Variants in RBFOX1 observed in about 807,000 individuals in gnomAD.
RBFOX1 encodes RNA binding protein fox-1 homolog 1.
In RBFOX1, 8 loss-of-function variants were observed where a neutral mutation model predicts 57.7. The ratio of observed to expected loss-of-function variants is 0.14; its 90% CI spans 0.08 to 0.25. The LOEUF (loss-of-function observed/expected upper bound fraction) is 0.25. RBFOX1 is among the 10% of genes least tolerant of loss of function. The pLI is 1.00. For synonymous variants in RBFOX1, 326 were observed against 222.4 expected, an observed-to-expected ratio of 1.47 and a Z score of -4.15; for missense variants, 611 against 548.5, an observed-to-expected ratio of 1.11 and a Z score of -1.14.
At chr16:7,019,000 G>T (rs970737723) in intron 3 of RBFOX1, among the ~76,000 whole-genome samples, 1 of 151,862 alleles carries the variant, frequency 6.6e-6, no homozygotes, top group Admixed American at 6.6e-5. Flanking sequence ...CAAAGAAGAA[G>T]CAAAAAGAAA....
intron 1 of RBFOX1, among the ~76,000 whole-genome samples, chr16:6,117,414 CT>C (rs1289519093): frequency 6.6e-6 from 1 of 152,190 alleles, no homozygotes; most frequent in African/African-American, 2.4e-5. Context: ...ATTAGATCAC[CT>C]TTCATGGTTT....
intron 3 of RBFOX1, among the ~76,000 whole-genome samples, chr16:5,731,034 A>G (rs2052349984): frequency 6.7e-6 from 1 of 148,642 alleles, no homozygotes; most frequent in African/African-American, 2.4e-5. Context: ...CGTCATCACC[A>G]TGAACATCAC....
At chr16:6,893,075 G>T (rs1004352255) in intron 3 of RBFOX1, among the ~76,000 whole-genome samples, 1 of 152,096 alleles carries the variant, frequency 6.6e-6, no homozygotes, top group Non-Finnish European at 1.5e-5. Context: ...ACTTGTAAAA[G>T]ACTGCCCACC....
Position 6,357,612 on chromosome 16 carries a change from G to GCT in RBFOX1, c.-64+40568_-64+40569dup, listed in dbSNP as rs146259757. On this transcript the variant is annotated intron_variant, in intron 2 of 15. Coordinates refer to ENST00000550418, the MANE Select transcript of RBFOX1 (RefSeq NM_018723.4). ...CTCGCTCCCTCTTGCTCCCGCTTGT[G>GCT]CTCTCTCTCTCTCTGTCTTGCTTCC... Among the ~76,000 whole-genome samples the GCT allele has an allele frequency of 5.0e-3, 754 of 150,928 alleles. 8 individuals are homozygous for GCT. The highest frequency in any genetic ancestry group is 4.6e-3 in the Non-Finnish European group (309 of 67,646).
intron 3 of RBFOX1, among the ~76,000 whole-genome samples, chr16:6,749,912 A>G (rs150602946): frequency 2.6e-5 from 4 of 152,334 alleles, no homozygotes; most frequent in African/African-American, 7.2e-5. Context: ...TCAGAATACA[A>G]TAAGGGCCAA....
intron 3 of RBFOX1, among the ~76,000 whole-genome samples, chr16:7,038,991 A>T (rs2045351752): frequency 6.6e-6 from 1 of 152,160 alleles, no homozygotes. Flanking sequence ...TAGCCAGAGC[A>T]GTGACTCTCT....
rs111761322 is a variant in RBFOX1 at position 6,526,385 on chromosome 16, G to T, written c.-63-128218G>T. 1.2e-4 allele frequency among the ~76,000 whole-genome samples: 18 copies of T among 152,298 alleles called. 1 individual carries two copies. Among genetic ancestry groups the T allele is most frequent in the African/African-American group, 4.3e-4 (18 of 41,566 alleles). On this transcript the variant is annotated intron_variant, in intron 2 of 15. Coordinates refer to ENST00000550418, the MANE Select transcript of RBFOX1 (RefSeq NM_018723.4). ...TGAAAGGCTCTGTTGTAATTAGTCT[G>T]AGTCGAATCATCAATCAAGAGATTC...
At chr16:7,009,567 G>A (rs559327908) in intron 3 of RBFOX1, among the ~76,000 whole-genome samples, 3 of 152,206 alleles carry the variant, frequency 2.0e-5, no homozygotes, top group East Asian at 3.9e-4. Flanking sequence ...AGGAATGAAA[G>A]TGCAGCAGTA....
intron 2 of RBFOX1, among the ~76,000 whole-genome samples, chr16:6,522,095 T>C (rs2096511538): frequency 6.6e-6 from 1 of 152,156 alleles, no homozygotes; most frequent in South Asian, 2.1e-4. Context: ...GCATGTGTTT[T>C]CTTTGAATCA....
chr16:6,700,027 C>G (rs777922113), intron 3 of RBFOX1, among the ~76,000 whole-genome samples: 3 of 152,122 alleles, frequency 2.0e-5, no homozygotes, highest in Non-Finnish European at 2.9e-5. Context: ...CCTTCTCTTA[C>G]GATTGGCAAG....
chr16:6,021,511 G>A (rs4786805), intron 1 of RBFOX1, among the ~76,000 whole-genome samples: 50,670 of 152,154 alleles, frequency 0.33, 12,133 homozygotes, highest in African/African-American at 0.68. Context: ...TGCTGGCAGT[G>A]GCTGTGCTGG....
chr16:5,820,963 A>G (rs953970356), intron 3 of RBFOX1, among the ~76,000 whole-genome samples: 5 of 152,060 alleles, frequency 3.3e-5, no homozygotes, highest in African/African-American at 1.2e-4. Context: ...CCTCCCTGTG[A>G]GCCCACCTCC....
intron 2 of RBFOX1, among the ~76,000 whole-genome samples, chr16:6,479,948 G>T (rs2095345820): frequency 1.3e-5 from 2 of 151,858 alleles, no homozygotes; most frequent in African/African-American, 4.8e-5. Context: ...CTACTCGGGA[G>T]GCTGAGGCAC....
chr16:6,555,274 C>G (rs979333766), intron 2 of RBFOX1, among the ~76,000 whole-genome samples: 1 of 152,152 alleles, frequency 6.6e-6, no homozygotes, highest in Admixed American at 6.5e-5. Context: ...TTCCTTTCAC[C>G]CAAATCCTAT....
At chr16:7,496,082 AT>A (rs1312962247) in intron 4 of RBFOX1, among the ~76,000 whole-genome samples, 9 of 152,252 alleles carry the variant, frequency 5.9e-5, no homozygotes, top group African/African-American at 2.2e-4. Flanking sequence ...TTCTGTCTCT[AT>A]CAGCAGTGAG....
chr16:5,353,511 T>C (rs1357338500), intron 1 of RBFOX1, among the ~76,000 whole-genome samples: 2 of 152,206 alleles, frequency 1.3e-5, no homozygotes, highest in African/African-American at 4.8e-5. Flanking sequence ...ATATCCCATT[T>C]GCAAATGCAG....
At chr16:6,364,947 T>C (rs979577435) in intron 2 of RBFOX1, among the ~76,000 whole-genome samples, 5 of 152,108 alleles carry the variant, frequency 3.3e-5, no homozygotes, top group African/African-American at 1.2e-4. Context: ...GCCCTACTTC[T>C]GTTCAAAACT....
chr16:6,942,453 C>G (rs999702794), intron 3 of RBFOX1, among the ~76,000 whole-genome samples: 1 of 152,078 alleles, frequency 6.6e-6, no homozygotes, highest in Non-Finnish European at 1.5e-5. Context: ...GCCATTGTGC[C>G]CAGCCAGGAT....
intron 5 of RBFOX1, among the ~76,000 whole-genome samples, chr16:7,562,899 G>A (rs2090746133): frequency 6.6e-6 from 1 of 152,174 alleles, no homozygotes; most frequent in African/African-American, 2.4e-5. Context: ...ATTGATTTTG[G>A]AAGCTTTAAA....
Sources: allele counts gnomAD v4.1 joint callset (sites outside exome capture counted in the v4.1 genomes callset), GRCh38; gene constraint gnomAD v4.1.1; transcripts MANE v1.5; gene names NCBI Gene and HGNC (gene_info 2026-07-23, HGNC 2026-07-21).